The following DIAPH3 variants were observed in gnomAD, a reference collection of about 807,000 sequenced individuals.
DIAPH3 encodes protein diaphanous homolog 3.
A neutral mutation model predicts 144.3 loss-of-function variants in DIAPH3; 117 were observed. That is an observed-to-expected ratio of 0.81 (90% CI 0.70 to 0.95). The LOEUF (loss-of-function observed/expected upper bound fraction) is 0.95. Ranked by LOEUF, DIAPH3 falls within the 40% of genes least tolerant of loss-of-function variation. The pLI is 0.00. For missense variants in DIAPH3, 1,421 were observed against 1,412.7 expected, an observed-to-expected ratio of 1.01 and a Z score of -0.09; for synonymous variants, 519 against 488.9, an observed-to-expected ratio of 1.06 and a Z score of -0.81.
chr13:60,112,280 T>C (rs2058590107), intron 2 of DIAPH3, 94 bp from the exon 3 acceptor site: 4 of 1,391,754 alleles, frequency 2.9e-6, no homozygotes, highest in Non-Finnish European at 4.0e-6. Context: ...GGGCCAATCG[T>C]GTTATCATTG....
intron 12 of DIAPH3, among the ~76,000 whole-genome samples, chr13:59,986,980 T>C (rs1296126015): frequency 6.6e-6 from 1 of 151,754 alleles, no homozygotes; most frequent in Non-Finnish European, 1.5e-5. Flanking sequence ...ACTGGGTATA[T>C]ACCCAAATGA....
At chr13:60,042,941 G>C (rs1180793156) in intron 4 of DIAPH3, 121 bp from the exon 5 acceptor site, 1 of 1,146,362 alleles carries the variant, frequency 8.7e-7, no homozygotes, top group Non-Finnish European at 1.3e-6. Flanking sequence ...ATTTGGGCAA[G>C]GGTGGTAAAT....
intron 9 of DIAPH3, among the ~76,000 whole-genome samples, chr13:60,004,109 G>C (rs2052707304): frequency 6.6e-6 from 1 of 152,152 alleles, no homozygotes; most frequent in South Asian, 2.1e-4. Context: ...AATGAAGAAT[G>C]TGTTTATTTT....
At chr13:60,139,331 T>C (rs896640939) in intron 1 of DIAPH3, among the ~76,000 whole-genome samples, 2 of 152,194 alleles carry the variant, frequency 1.3e-5, no homozygotes, top group African/African-American at 4.8e-5. Flanking sequence ...AAAGGGGAGA[T>C]GTTAGGAACA....
At chr13:60,142,544 C>G (rs2059446093) in intron 1 of DIAPH3, among the ~76,000 whole-genome samples, 1 of 152,102 alleles carries the variant, frequency 6.6e-6, no homozygotes, top group African/African-American at 2.4e-5. Flanking sequence ...TGAGCGCCAA[C>G]CCTAAGGAGT....
chr13:60,080,631 T>C (rs1028041769), intron 4 of DIAPH3, among the ~76,000 whole-genome samples: 2 of 151,876 alleles, frequency 1.3e-5, no homozygotes, highest in Non-Finnish European at 2.9e-5. Flanking sequence ...GTTTGACTTG[T>C]CATACTCATT....
intron 17 of DIAPH3, among the ~76,000 whole-genome samples, chr13:59,960,728 A>G (rs568019541): frequency 6.6e-5 from 10 of 152,172 alleles, no homozygotes; most frequent in Non-Finnish European, 1.5e-4. Context: ...GATCACCCCC[A>G]AAGTCACCAG....
chr13:60,097,122 A>C (rs1008234343), intron 3 of DIAPH3, among the ~76,000 whole-genome samples: 1 of 152,150 alleles, frequency 6.6e-6, no homozygotes, highest in Admixed American at 6.5e-5. Flanking sequence ...CTTTTGCCTA[A>C]ATATGGCACT....
intron 2 of DIAPH3, among the ~76,000 whole-genome samples, chr13:60,119,584 A>G (rs1002485358): frequency 4.0e-5 from 6 of 151,166 alleles, no homozygotes; most frequent in African/African-American, 1.5e-4. Context: ...CGTCTCTACT[A>G]AAAATACAAA....
At chr13:60,003,562 GATAGAT>G (rs2052660440) in intron 9 of DIAPH3, among the ~76,000 whole-genome samples, 1 of 149,860 alleles carries the variant, frequency 6.7e-6, no homozygotes, top group South Asian at 2.1e-4. Flanking sequence ...TAGATAGATA[GATAGAT>G]ATAGATATAT....
intron 21 of DIAPH3, among the ~76,000 whole-genome samples, chr13:59,867,094 TTAAA>T (rs2043971165): frequency 6.7e-6 from 1 of 149,052 alleles, no homozygotes; most frequent in South Asian, 2.1e-4. Context: ...AATATATATT[TTAAA>T]TAATCATTGT....
At chr13:59,959,009 G>C (rs1274594692) in intron 17 of DIAPH3, among the ~76,000 whole-genome samples, 1 of 151,068 alleles carries the variant, frequency 6.6e-6, no homozygotes, top group African/African-American at 2.4e-5. Flanking sequence ...CCAAATACTT[G>C]GGATTACAGG....
At chr13:60,126,769 T>C (rs1457535472) in intron 2 of DIAPH3, among the ~76,000 whole-genome samples, 1 of 152,070 alleles carries the variant, frequency 6.6e-6, no homozygotes, top group Non-Finnish European at 1.5e-5. Flanking sequence ...CCCTAAATAT[T>C]TGGAAGTTAA....
At chr13:59,839,024 T>C in intron 23 of DIAPH3, 2 of 290,212 alleles carry the variant, frequency 6.9e-6, no homozygotes, top group Non-Finnish European at 1.4e-5. Context: ...GGCAGGAGAA[T>C]TGCTTGAACT....
At chr13:59,998,175 T>C (rs920143497) in intron 9 of DIAPH3, among the ~76,000 whole-genome samples, 1 of 152,130 alleles carries the variant, frequency 6.6e-6, no homozygotes, top group Non-Finnish European at 1.5e-5. Context: ...ATACCCCACA[T>C]TGACTCAGAG....
chr13:59,909,347 T>TC (rs977732946), intron 20 of DIAPH3, among the ~76,000 whole-genome samples: 1 of 151,916 alleles, frequency 6.6e-6, no homozygotes, highest in African/African-American at 2.4e-5. Flanking sequence ...ATTTTGTTTT[T>TC]TTTTTTTTTG....
chr13:59,929,855 G>C (rs2047939649), intron 17 of DIAPH3, among the ~76,000 whole-genome samples: 1 of 152,028 alleles, frequency 6.6e-6, no homozygotes, highest in African/African-American at 2.4e-5. Flanking sequence ...ACAGGTGTGA[G>C]CCACCATGCC....
At chr13:59,987,068 A>G (rs1208943451) in intron 12 of DIAPH3, among the ~76,000 whole-genome samples, 1 of 152,102 alleles carries the variant, frequency 6.6e-6, no homozygotes, top group African/African-American at 2.4e-5. Flanking sequence ...AAGACTTGGA[A>G]CCAACCCAAA....
chr13:59,668,447 A>G (rs1287219056), intron 27 of DIAPH3, among the ~76,000 whole-genome samples: 2 of 152,236 alleles, frequency 1.3e-5, no homozygotes, highest in Admixed American at 1.3e-4. Flanking sequence ...GGACAACTCT[A>G]GTTAAAAGTC....
Sources: allele counts gnomAD v4.1 joint callset (sites outside exome capture counted in the v4.1 genomes callset), GRCh38; gene constraint gnomAD v4.1.1; transcripts MANE v1.5; gene names NCBI Gene and HGNC (gene_info 2026-07-23, HGNC 2026-07-21).